The following RBFOX1 variants were observed in gnomAD, a reference collection of about 807,000 sequenced individuals.
The protein encoded by RBFOX1 is RNA binding protein fox-1 homolog 1.
In RBFOX1, 8 loss-of-function variants were observed where a neutral mutation model predicts 57.7. The ratio of observed to expected loss-of-function variants is 0.14; its 90% CI spans 0.08 to 0.25. The LOEUF is 0.25. RBFOX1 is among the 10% of genes least tolerant of loss of function. RBFOX1 has a pLI of 1.00. For missense variants in RBFOX1, 611 were observed against 548.5 expected, an observed-to-expected ratio of 1.11 and a Z score of -1.14; for synonymous variants, 326 against 222.4, an observed-to-expected ratio of 1.47 and a Z score of -4.15.
In RBFOX1 at chr16:6,680,294, T is replaced by TTTTTTTTTTG. The variant is rs60731674; in HGVS notation, c.-16+25644_-16+25645insTTTTTTTTTG. Among the ~76,000 whole-genome samples, 224 of 103,032 alleles carry TTTTTTTTTTG rather than the reference T, an allele frequency of 2.2e-3. 13 individuals are homozygous for TTTTTTTTTTG. Among genetic ancestry groups the TTTTTTTTTTG allele is most frequent in the Middle Eastern group, 6.7e-3 (1 of 150 alleles). The allele number at this position is 103,032 out of a possible 152,430, so 67.6% of individuals were successfully genotyped here. A position where few individuals can be genotyped will look rare whatever the true frequency, so the allele number is the denominator to read the frequency against. On this transcript the variant is annotated intron_variant, in intron 3 of 15. Transcript: ENST00000550418. ...TCTCTCTTTTTTTTTTTTTTTTTTTTATTTGTCGCCCAGGCTGGAGTGCAG... is the reference window on the plus strand; with the variant it reads ...TCTCTCTTTTTTTTTTTTTTTTTTTTTTTTTTTTTGATTTGTCGCCCAGGCTGGAGTGCAG...
chr16:6,424,428 C>T (rs2093863486), intron 2 of RBFOX1, among the ~76,000 whole-genome samples: 1 of 152,090 alleles, frequency 6.6e-6, no homozygotes, highest in Admixed American at 6.5e-5. Context: ...AATCCCGTGT[C>T]CCCTGGAGGA....
At chr16:6,936,561 A>C (rs1419136615) in intron 3 of RBFOX1, among the ~76,000 whole-genome samples, 1 of 152,064 alleles carries the variant, frequency 6.6e-6, no homozygotes, top group African/African-American at 2.4e-5. Context: ...CATTTTTTTC[A>C]TTGCTTAATT....
At chr16:7,548,853 A>G (rs138814525) in intron 5 of RBFOX1, among the ~76,000 whole-genome samples, 2 of 152,314 alleles carry the variant, frequency 1.3e-5, no homozygotes, top group African/African-American at 4.8e-5. Context: ...GTTCCTGCCT[A>G]TTAGTTAGGG....
intron 4 of RBFOX1, among the ~76,000 whole-genome samples, chr16:7,129,756 C>T (rs903968105): frequency 7.0e-5 from 10 of 143,204 alleles, no homozygotes; most frequent in African/African-American, 2.3e-4. Flanking sequence ...CCAGGAGACA[C>T]GACAACTCCT....
At chr16:6,514,889 G>T (rs1490196564) in intron 2 of RBFOX1, among the ~76,000 whole-genome samples, 1 of 152,072 alleles carries the variant, frequency 6.6e-6, no homozygotes, top group African/African-American at 2.4e-5. Context: ...GGAGGAAGGG[G>T]AGGAGGAGAA....
intron 3 of RBFOX1, among the ~76,000 whole-genome samples, chr16:6,958,207 C>G (rs747387274): frequency 6.6e-6 from 1 of 152,158 alleles, no homozygotes; most frequent in Non-Finnish European, 1.5e-5. Flanking sequence ...AGCATTTTTT[C>G]CAGTAAGCTT....
chr16:7,686,787 C>A (rs2076158729), intron 14 of RBFOX1, among the ~76,000 whole-genome samples: 1 of 152,080 alleles, frequency 6.6e-6, no homozygotes, highest in Non-Finnish European at 1.5e-5. Context: ...GGTTGGTTCT[C>A]TTTCACCTGA....
chr16:6,291,208 C>G (rs1188193169), intron 1 of RBFOX1, among the ~76,000 whole-genome samples: 1 of 152,148 alleles, frequency 6.6e-6, no homozygotes, highest in Non-Finnish European at 1.5e-5. Flanking sequence ...TATTTTGTGC[C>G]AACCTCTTAT....
intron 13 of RBFOX1, among the ~76,000 whole-genome samples, chr16:7,666,162 C>G (rs1418366010): frequency 6.6e-6 from 1 of 152,102 alleles, no homozygotes; most frequent in Non-Finnish European, 1.5e-5. Context: ...GCTGAGCAGT[C>G]TGAAGCCCAT....
chr16:5,730,038 A>T (rs555437514), intron 3 of RBFOX1, among the ~76,000 whole-genome samples: 5 of 152,158 alleles, frequency 3.3e-5, no homozygotes, highest in Admixed American at 6.5e-5. Flanking sequence ...TCTAGACTCA[A>T]TTCCACTTTG....
intron 2 of RBFOX1, among the ~76,000 whole-genome samples, chr16:6,561,182 C>G (rs890638762): frequency 2.6e-5 from 4 of 152,106 alleles, no homozygotes; most frequent in Admixed American, 1.3e-4. Context: ...AATGAATATG[C>G]TTCACGCCCA....
chr16:6,571,885 A>G (rs1262377527), intron 2 of RBFOX1, among the ~76,000 whole-genome samples: 1 of 151,752 alleles, frequency 6.6e-6, no homozygotes, highest in African/African-American at 2.4e-5. Flanking sequence ...CTTAGTTTTT[A>G]CAACTGTTGG....
At chr16:7,077,119 C>A (rs920292989) in intron 4 of RBFOX1, among the ~76,000 whole-genome samples, 1 of 152,196 alleles carries the variant, frequency 6.6e-6, no homozygotes, top group Non-Finnish European at 1.5e-5. Flanking sequence ...GCCCAGAAAT[C>A]TCTTCAAGGC....
chr16:7,419,925 C>CTTTTTTTTTTTTTTTTTTTTTTTCTTT (rs367626244), intron 4 of RBFOX1, among the ~76,000 whole-genome samples: 2 of 101,732 alleles, frequency 2.0e-5, no homozygotes, highest in Non-Finnish European at 3.8e-5. Context: ...TTCTTTCTTC[C>CTTTTTTTTTTTTTTTTTTTTTTTCTTT]TTTTTTTTTT....
intron 2 of RBFOX1, among the ~76,000 whole-genome samples, chr16:6,426,698 AC>A (rs1158777652): frequency 6.6e-6 from 1 of 152,100 alleles, no homozygotes; most frequent in Non-Finnish European, 1.5e-5. Flanking sequence ...AGGCCCCTAT[AC>A]CCCCATTGAG....
chr16:7,385,409 C>A (rs567238820), intron 4 of RBFOX1, among the ~76,000 whole-genome samples: 69 of 152,100 alleles, frequency 4.5e-4, no homozygotes, highest in Non-Finnish European at 8.7e-4. Flanking sequence ...TGGGAAAACC[C>A]AGTGGAGGTG....
intron 2 of RBFOX1, among the ~76,000 whole-genome samples, chr16:6,351,034 A>T (rs779609947): frequency 6.6e-6 from 1 of 152,124 alleles, no homozygotes; most frequent in Non-Finnish European, 1.5e-5. Flanking sequence ...ATGTCATCTT[A>T]TCCTTTCAGT....
intron 2 of RBFOX1, among the ~76,000 whole-genome samples, chr16:5,471,796 A>C (rs894822787): frequency 2.0e-5 from 3 of 152,178 alleles, no homozygotes; most frequent in Admixed American, 2.0e-4. Context: ...ATATTTCTAG[A>C]GTCTAGCCTA....
chr16:6,881,930 G>A (rs568798512), intron 3 of RBFOX1, among the ~76,000 whole-genome samples: 15 of 152,236 alleles, frequency 9.9e-5, no homozygotes, highest in African/African-American at 2.6e-4. Flanking sequence ...GGCTCCTGCT[G>A]GCTAATTGAC....
Sources: gnomAD v4.1 joint callset for allele counts (sites outside exome capture counted in the v4.1 genomes callset) on GRCh38, gnomAD v4.1.1 for gene constraint, MANE v1.5 for transcripts, NCBI Gene and HGNC (gene_info 2026-07-23, HGNC 2026-07-21) for gene names.